The following PCDHA11 variants were observed in gnomAD, a reference collection of about 807,000 sequenced individuals.
PCDHA11 encodes the protein protocadherin alpha-11.
A neutral mutation model predicts 70.3 loss-of-function variants in PCDHA11; 61 were observed. The ratio of observed to expected loss-of-function variants is 0.87; its 90% confidence interval spans 0.71 to 1.07. The LOEUF is 1.07. Among genes scored for constraint, PCDHA11 ranks in the 50% least tolerant of loss-of-function variants. The probability of loss-of-function intolerance (pLI) is 0.00; values close to 1 mark genes in which losing one functional copy is unlikely to be tolerated. For missense variants in PCDHA11, 1,324 were observed against 1,237.5 expected, an observed-to-expected ratio of 1.07 and a Z score of -1.05; for synonymous variants, 633 against 555.1, an observed-to-expected ratio of 1.14 and a Z score of -1.97.
At chr5:140,957,023 G>C (rs1360382480) in intron 1 of PCDHA11, among the ~76,000 whole-genome samples, 2 of 152,100 alleles carry the variant, frequency 1.3e-5, no homozygotes, top group Non-Finnish European at 2.9e-5. Flanking sequence ...TGAGCATTTA[G>C]ATATTTATGG....
chr5:140,980,873 T>C (rs1586863406), intron 2 of PCDHA11, among the ~76,000 whole-genome samples: 1 of 152,338 alleles, frequency 6.6e-6, no homozygotes, highest in East Asian at 1.9e-4. Context: ...TGCTTGGGTG[T>C]TCTCGGTCTT....
intron 3 of PCDHA11, among the ~76,000 whole-genome samples, chr5:140,984,776 G>C (rs1310495858): frequency 6.6e-6 from 1 of 152,062 alleles, no homozygotes; most frequent in Non-Finnish European, 1.5e-5. Context: ...AAGCTTACTT[G>C]CTGGGTGAGC....
chr5:140,958,419 A>C (rs1275772647), intron 1 of PCDHA11, among the ~76,000 whole-genome samples: 1 of 152,196 alleles, frequency 6.6e-6, no homozygotes, highest in Non-Finnish European at 1.5e-5. Flanking sequence ...GCTTGGAAAG[A>C]AGCACTTTTT....
chr5:140,918,425 T>A (rs1402096329), intron 1 of PCDHA11, among the ~76,000 whole-genome samples: 1 of 152,200 alleles, frequency 6.6e-6, no homozygotes, highest in Non-Finnish European at 1.5e-5. Flanking sequence ...TCCAGTAGGA[T>A]GTTGAATAGG....
intron 1 of PCDHA11, among the ~76,000 whole-genome samples, chr5:140,907,240 A>G (rs563432322): frequency 5.3e-5 from 8 of 152,310 alleles, no homozygotes; most frequent in Admixed American, 5.2e-4. Context: ...CCTAGTTGAC[A>G]TTGTAATTGT....
At position 140,869,962 on chromosome 5, in the gene PCDHA11, A is replaced by C. The variant is rs1554163660; in HGVS notation, c.859A>C (p.Asn287His). The change falls in exon 1 of 4, where the codon AAT becomes CAT. Residue 287 changes from asparagine (N) to histidine (H), a missense_variant. Physicochemically the swap from Asn to His is moderately conservative, Grantham distance 68. Transcript: ENST00000398640. Reference sequence around the variant, plus strand: ...ATACTCCTTAATGTCAATTAAGCCCAATGGAAGACACTTATTTACACTAGA... The same window carrying C: ...ATACTCCTTAATGTCAATTAAGCCCCATGGAAGACACTTATTTACACTAGA... ...VTYSLMSIKP[N>H]GRHLFTLDQN... 4 of 1,612,950 alleles carry C rather than the reference A, an allele frequency of 2.5e-6. No homozygotes were observed. The highest frequency in any genetic ancestry group is 1.6e-4 in the Middle Eastern group (1 of 6,084).
chr5:140,963,238 A>G (rs1347398946), intron 1 of PCDHA11, among the ~76,000 whole-genome samples: 1 of 152,090 alleles, frequency 6.6e-6, no homozygotes, highest in Non-Finnish European at 1.5e-5. Context: ...TGTTTGATGG[A>G]TTAGGTAGGT....
At chr5:140,956,784 G>T (rs549737881) in intron 1 of PCDHA11, among the ~76,000 whole-genome samples, 373 of 152,090 alleles carry the variant, frequency 2.5e-3, no homozygotes, top group Non-Finnish European at 3.7e-3. Flanking sequence ...CCTGGGCTTT[G>T]TTTGCTTGGT....
At chr5:140,875,597 G>T in intron 1 of PCDHA11, 1 of 1,613,960 alleles carries the variant, frequency 6.2e-7, no homozygotes, top group African/African-American at 1.3e-5. Flanking sequence ...GCCAAACACG[G>T]CACCTTCGTG....
chr5:140,930,591 CAT>C (rs1554207939), intron 1 of PCDHA11: 1 of 152,406 alleles, frequency 6.6e-6, no homozygotes, highest in African/African-American at 2.4e-5. Flanking sequence ...TTTGACTTCT[CAT>C]AGAAATCCTA....
intron 1 of PCDHA11, among the ~76,000 whole-genome samples, chr5:140,892,823 C>T (rs1554185387): frequency 6.6e-6 from 1 of 152,120 alleles, no homozygotes; most frequent in East Asian, 1.9e-4. Context: ...TCCTACAGTG[C>T]TACAGTGCTG....
intron 1 of PCDHA11, among the ~76,000 whole-genome samples, chr5:140,907,298 A>T (rs138771358): frequency 0.017 from 2,638 of 152,276 alleles, 92 homozygotes; most frequent in African/African-American, 0.06. Context: ...CTGCTTCAGG[A>T]TGATGGGGAA....
At chr5:140,969,535 T>C (rs1221394283) in intron 1 of PCDHA11, 27 of 1,341,822 alleles carry the variant, frequency 2.0e-5, no homozygotes, top group Non-Finnish European at 2.5e-5. Flanking sequence ...TTTTTCATTT[T>C]CAGAGGCATG....
At chr5:140,876,868 G>A in intron 1 of PCDHA11, 7 of 1,614,160 alleles carry the variant, frequency 4.3e-6, no homozygotes, top group Non-Finnish European at 5.9e-6. Context: ...GTTCGTGAAG[G>A]AGAACAACCC....
In PCDHA11 at chr5:140,979,008, G is replaced by T; in HGVS notation, c.2450+1G>T. 1 of 1,613,990 alleles carries T rather than the reference G, an allele frequency of 6.2e-7. No individual in the cohort carries two copies. The highest frequency in any genetic ancestry group is 1.3e-5 in the African/African-American group (1 of 75,044). ...CCTCCCTGAGAGCAGGCATGCACAG[G>T]TATGTATTTCCCTCCTCATTCACTC... On this transcript the variant is annotated splice_donor_variant, in intron 2 of 3. Transcript: ENST00000398640. LOFTEE classifies it high-confidence loss of function.
chr5:140,976,023 A>C (rs907977893), intron 1 of PCDHA11, among the ~76,000 whole-genome samples: 1 of 152,206 alleles, frequency 6.6e-6, no homozygotes, highest in Non-Finnish European at 1.5e-5. Flanking sequence ...AAATAATCAC[A>C]GTTATTTCAA....
At chr5:140,876,935 C>G in intron 1 of PCDHA11, 1 of 1,613,746 alleles carries the variant, frequency 6.2e-7, no homozygotes, top group Non-Finnish European at 8.5e-7. Flanking sequence ...CAGAAGAACG[C>G]GCTGGTGTCC....
chr5:140,985,283 A>G (rs955144760), intron 3 of PCDHA11, among the ~76,000 whole-genome samples: 6 of 152,020 alleles, frequency 3.9e-5, no homozygotes, highest in Admixed American at 1.3e-4. Context: ...TCTGCAATCT[A>G]TGATATAGTG....
chr5:140,923,489 A>C (rs549066009), intron 1 of PCDHA11, among the ~76,000 whole-genome samples: 2 of 152,182 alleles, frequency 1.3e-5, no homozygotes, highest in Non-Finnish European at 2.9e-5. Flanking sequence ...TCTTCACACC[A>C]CTGCACTCCA....
Sources: gnomAD v4.1 joint callset for allele counts (sites outside exome capture counted in the v4.1 genomes callset) on GRCh38, gnomAD v4.1.1 for gene constraint, MANE v1.5 for transcripts, NCBI Gene and HGNC (gene_info 2026-07-23, HGNC 2026-07-21) for gene names.